CABP1: variants seen among roughly 807,000 people sequenced by gnomAD.
CABP1 encodes calcium binding protein 1.
In CABP1, 17 loss-of-function variants were observed where a neutral mutation model predicts 34.3. The observed-to-expected ratio is 0.50, with a 90% CI of 0.34 to 0.74. The LOEUF (loss-of-function observed/expected upper bound fraction) is 0.74, where lower values mean the gene tolerates loss of function less well. Among genes scored for constraint, CABP1 ranks in the 30% least tolerant of loss-of-function variants. The pLI is 0.01. For missense variants in CABP1, 373 were observed against 511.1 expected, an observed-to-expected ratio of 0.73 and a Z score of 2.61; for synonymous variants, 198 against 229.2, an observed-to-expected ratio of 0.86 and a Z score of 1.23.
intron 5 of CABP1, among the ~76,000 whole-genome samples, chr12:120,666,138 C>T (rs1171888667): frequency 1.9e-4 from 27 of 145,428 alleles, no homozygotes; most frequent in African/African-American, 6.7e-4. Context: ...TTTGACCTTA[C>T]AGTGAGCTAT....
chr12:120,675,925 AT>A, the CABP1 span, among the ~76,000 whole-genome samples: 2 of 152,256 alleles, frequency 1.3e-5, no homozygotes, highest in African/African-American at 2.4e-5. Context: ...AAAATACAAA[AT>A]TTAGCTGGGC....
At chr12:120,644,919 T>C (rs1291877567) in intron 1 of CABP1, among the ~76,000 whole-genome samples, 1 of 152,148 alleles carries the variant, frequency 6.6e-6, no homozygotes, top group East Asian at 1.9e-4. Context: ...ATTCACGTGC[T>C]TCAGCCTCCT....
At position 120,662,684 on chromosome 12, in the gene CABP1, C is replaced by CT. The variant is rs34243939; in HGVS notation, c.1087+1483dup. Among the ~76,000 whole-genome samples the CT allele has an allele frequency of 1.1e-3, 146 of 127,198 alleles. 3 individuals carry two copies. The highest frequency in any genetic ancestry group is 3.7e-3 in the African/African-American group (127 of 34,258). 83.4% of individuals were successfully genotyped at this position (127,198 alleles called of 152,430 possible). A position where few individuals can be genotyped will look rare whatever the true frequency, so the allele number is the denominator to read the frequency against. On this transcript the variant is annotated intron_variant, in intron 5 of 5. Transcript: ENST00000316803. ...CCACCAGGAGGGCTTTTATCCTGTT[C>CT]TTTTTTTTTTTTTTTTTGAGACAAA...
chr12:120,659,545 G>T, intron 1 of CABP1: 1 of 251,282 alleles, frequency 4.0e-6, no homozygotes, highest in Non-Finnish European at 7.6e-6. Flanking sequence ...GTGACAGAGT[G>T]CAATGGCACC....
At chr12:120,676,044 C>T in the CABP1 span, among the ~76,000 whole-genome samples, 1,560 of 152,236 alleles carry the variant, frequency 0.01, 10 homozygotes, top group Non-Finnish European at 0.016. Flanking sequence ...CCACTGCACT[C>T]CAGCCTGCAT....
At position 120,643,863 on chromosome 12, in the gene CABP1, C is replaced by A. The variant is rs562055520; in HGVS notation, c.654+2524C>A. Among the ~76,000 whole-genome samples, 3 of 152,350 alleles carry A rather than the reference C, an allele frequency of 2.0e-5. No homozygotes were observed. In the South Asian group the frequency reaches 6.2e-4, roughly 32 times the overall value. On this transcript the variant is annotated intron_variant, in intron 1 of 5. Coordinates refer to ENST00000316803, the MANE Select transcript of CABP1 (RefSeq NM_001033677.2). ...GCTAACTCTATCAGTGTTAGTTATT[C>A]TTCTTCTTTGTTGTTATTGTTGATT...
Position 120,660,073 on chromosome 12 carries a change from C to T in CABP1, c.686-123C>T. The T allele has an allele frequency of 7.2e-7, 1 of 1,383,806 alleles. No individual in the cohort carries two copies. Among genetic ancestry groups the T allele is most frequent in the Non-Finnish European group, 1.0e-6 (1 of 998,610 alleles). The allele number at this position is 1,383,806 out of a possible 1,614,324, so 85.7% of individuals were successfully genotyped here. ...TGTGCACAGGAGGCAAGAGAAATGC[C>T]CCAGCATCCTGGGAAGCTCCTGGGC... is the stretch of plus-strand genomic sequence containing the variant. On this transcript the variant is annotated intron_variant, in intron 2 of 5. Coordinates refer to ENST00000316803, the MANE Select transcript of CABP1 (RefSeq NM_001033677.2). The surrounding 1 kb of genome is among the most constrained non-coding windows in gnomAD (Gnocchi z 5.0).
chr12:120,668,802 G>A (rs1338842316), downstream of CABP1, among the ~76,000 whole-genome samples: 1 of 152,224 alleles, frequency 6.6e-6, no homozygotes, highest in Non-Finnish European at 1.5e-5. Context: ...TCTTAGACAG[G>A]CTTGGAGCGT....
chr12:120,664,852 G>A (rs1880864136), intron 5 of CABP1, among the ~76,000 whole-genome samples: 1 of 150,242 alleles, frequency 6.7e-6, no homozygotes, highest in Non-Finnish European at 1.5e-5. Flanking sequence ...TCCAGCCTGG[G>A]CAACAGAGCA....
At chr12:120,648,879 TAA>T (rs1049534093) in intron 1 of CABP1, among the ~76,000 whole-genome samples, 21 of 123,210 alleles carry the variant, frequency 1.7e-4, no homozygotes, top group South Asian at 2.6e-4. Flanking sequence ...AGACACTGTC[TAA>T]AAAAAAAAAA....
chr12:120,663,976 C>T (rs1880810318), intron 5 of CABP1, among the ~76,000 whole-genome samples: 1 of 152,234 alleles, frequency 6.6e-6, no homozygotes, highest in South Asian at 2.1e-4. Context: ...GTGTCCAGAA[C>T]ACAAAGGCTG....
intron 5 of CABP1, among the ~76,000 whole-genome samples, chr12:120,665,454 G>A (rs575857870): frequency 5.9e-5 from 9 of 151,926 alleles, no homozygotes; most frequent in African/African-American, 2.2e-4. Flanking sequence ...AAAAATAAAC[G>A]ATTCTGTATG....
At position 120,661,021 on chromosome 12, in the gene CABP1, T is replaced by C. The variant is rs775605173; in HGVS notation, c.940-50T>C. 7 of 1,591,618 alleles carry C rather than the reference T, an allele frequency of 4.4e-6. No homozygotes were observed. The highest frequency in any genetic ancestry group is 1.7e-5 in the Admixed American group (1 of 57,342). On this transcript the variant is annotated intron_variant, in intron 4 of 5. Transcript: ENST00000316803. This position sits in a 1 kb window ranked among gnomAD's most constrained non-coding sequence, Gnocchi z 5.1. ...GGAGCTCAACTTTGGGATCTGCTGC[T>C]GCCAATCGCCATGCTGGGGCGACCT...
chr12:120,670,067 A>C (rs1204207257), downstream of CABP1, among the ~76,000 whole-genome samples: 1 of 151,542 alleles, frequency 6.6e-6, no homozygotes, highest in African/African-American at 2.4e-5. Context: ...CAGTGGTGGG[A>C]TCATAGCTCA....
At chr12:120,645,829 G>GA (rs926663117) in intron 1 of CABP1, among the ~76,000 whole-genome samples, 33 of 151,510 alleles carry the variant, frequency 2.2e-4, no homozygotes, top group African/African-American at 7.0e-4. Context: ...ACTCTGTCTG[G>GA]AAAAAAAAGA....
chr12:120,672,782 T>C, the CABP1 span, among the ~76,000 whole-genome samples: 3 of 147,944 alleles, frequency 2.0e-5, no homozygotes, highest in East Asian at 4.1e-4. Context: ...GTCATCCCAG[T>C]ACTTTGGGAG....
chr12:120,644,553 G>C lies in CABP1; in HGVS notation c.654+3214G>C, dbSNP rs184878192. Among the ~76,000 whole-genome samples the C allele has an allele frequency of 1.3e-3, 198 of 152,284 alleles. 2 individuals are homozygous for C. Among genetic ancestry groups the C allele is most frequent in the African/African-American group, 4.5e-3 (185 of 41,570 alleles). ...CTTGGAAGACTATTTTAAGAAACAG[G>C]CTTTCTGCTCCTTACCCTGAGCTTG... On this transcript the variant is annotated intron_variant, in intron 1 of 5. Transcript: ENST00000316803.
intron 1 of CABP1, chr12:120,656,386 T>A (rs956115159): frequency 9.5e-7 from 1 of 1,047,294 alleles, no homozygotes; most frequent in Non-Finnish European, 1.3e-6. Context: ...ATGAATCTGA[T>A]CCCCAAAGTT....
the CABP1 span, among the ~76,000 whole-genome samples, chr12:120,678,039 C>T: frequency 0.054 from 8,210 of 152,212 alleles, 250 homozygotes; most frequent in African/African-American, 0.078. Flanking sequence ...CTCCCCACCT[C>T]TCTGGATGGC....
Sources: allele counts gnomAD v4.1 joint callset (sites outside exome capture counted in the v4.1 genomes callset), GRCh38; gene constraint gnomAD v4.1.1; non-coding constraint Gnocchi (gnomAD v3.1); transcripts MANE v1.5; gene names NCBI Gene and HGNC (gene_info 2026-07-23, HGNC 2026-07-21).